Variants in CRPPA observed in about 807,000 individuals in gnomAD.
CRPPA encodes the protein CDP-L-ribitol pyrophosphorylase A, also known as D-ribitol-5-phosphate cytidylyltransferase.
Under a neutral mutation model 52.0 loss-of-function variants are expected in CRPPA, and 43 were observed. The ratio of observed to expected loss-of-function variants is 0.83; its 90% CI spans 0.65 to 1.07. The LOEUF (loss-of-function observed/expected upper bound fraction) is 1.07. Ranked by LOEUF, CRPPA falls within the 50% of genes least tolerant of loss-of-function variation. The probability of loss-of-function intolerance (pLI) is 0.00; values close to 1 mark genes in which losing one functional copy is unlikely to be tolerated. For missense variants in CRPPA, 629 were observed against 551.7 expected (o/e 1.14, Z -1.40); for synonymous variants, 250 against 203.5 (o/e 1.23, Z -1.94).
intron 5 of CRPPA, among the ~76,000 whole-genome samples, chr7:16,298,332 G>A (rs1047755107): frequency 2.0e-5 from 3 of 152,036 alleles, no homozygotes; most frequent in Non-Finnish European, 4.4e-5. Flanking sequence ...TCTATTTAAG[G>A]GAGGGAAAAA....
intron 9 of CRPPA, among the ~76,000 whole-genome samples, chr7:16,109,506 T>C (rs1455439101): frequency 1.3e-5 from 2 of 151,754 alleles, no homozygotes; most frequent in Non-Finnish European, 2.9e-5. Context: ...AAATAAACTG[T>C]ATTACAAAAA....
At chr7:16,347,165 A>T (rs1043629808) in intron 3 of CRPPA, among the ~76,000 whole-genome samples, 1 of 152,124 alleles carries the variant, frequency 6.6e-6, no homozygotes, top group Admixed American at 6.6e-5. Flanking sequence ...CCCATTTATC[A>T]GACAAGGAAA....
intron 9 of CRPPA, among the ~76,000 whole-genome samples, chr7:16,147,231 G>A (rs1396200958): frequency 3.9e-5 from 6 of 152,060 alleles, no homozygotes; most frequent in Non-Finnish European, 7.4e-5. Flanking sequence ...TCAGTCTTGG[G>A]TATATCTTTA....
At chr7:16,395,208 G>GACAAGTGATTA (rs1236840579) in intron 2 of CRPPA, among the ~76,000 whole-genome samples, 2 of 152,078 alleles carry the variant, frequency 1.3e-5, no homozygotes, top group African/African-American at 4.8e-5. Flanking sequence ...TGTCTCTCAA[G>GACAAGTGATTA]CTAATCTATC....
intron 9 of CRPPA, among the ~76,000 whole-genome samples, chr7:16,198,492 T>C (rs1322405242): frequency 3.4e-5 from 4 of 116,526 alleles, no homozygotes; most frequent in African/African-American, 7.1e-5. Flanking sequence ...TCCCCCTCTT[T>C]GAGAAACACC....
At chr7:16,331,561 G>A (rs1785553365) in intron 3 of CRPPA, among the ~76,000 whole-genome samples, 1 of 152,162 alleles carries the variant, frequency 6.6e-6, no homozygotes, top group Non-Finnish European at 1.5e-5. Flanking sequence ...GATATTAATA[G>A]AACATTTAGA....
At chr7:16,246,522 A>T (rs995913189) in intron 8 of CRPPA, among the ~76,000 whole-genome samples, 1 of 152,220 alleles carries the variant, frequency 6.6e-6, no homozygotes, top group Non-Finnish European at 1.5e-5. Context: ...CATCAGAGGA[A>T]TCTATCTAGG....
intron 5 of CRPPA, among the ~76,000 whole-genome samples, chr7:16,299,620 C>A (rs906804270): frequency 6.6e-6 from 1 of 152,172 alleles, no homozygotes; most frequent in African/African-American, 2.4e-5. Context: ...ATTAGATATA[C>A]AAACCCTAAA....
At chr7:16,181,847 C>T (rs1781418325) in intron 9 of CRPPA, among the ~76,000 whole-genome samples, 1 of 151,834 alleles carries the variant, frequency 6.6e-6, no homozygotes, top group Non-Finnish European at 1.5e-5. Context: ...GGACTATATT[C>T]TTCAACAATT....
intron 5 of CRPPA, among the ~76,000 whole-genome samples, chr7:16,284,615 C>T (rs752902089): frequency 1.8e-4 from 28 of 152,094 alleles, no homozygotes; most frequent in Admixed American, 5.2e-4. Flanking sequence ...TTTCACCAAA[C>T]GTGCCATAAT....
Position 16,308,923 on chromosome 7 carries a change from G to A in CRPPA, c.685-296C>T, listed in dbSNP as rs145593151. ...AAAAATGTAATACTTTGTTTCCTTTGCTTATAAGTTACCTTTCCAAACATG... is the reference window on the plus strand; with the variant it reads ...AAAAATGTAATACTTTGTTTCCTTTACTTATAAGTTACCTTTCCAAACATG... On this transcript the variant is annotated intron_variant, in intron 3 of 9. Transcript: ENST00000407010. Among the ~76,000 whole-genome samples the A allele has an allele frequency of 2.6e-3, 398 of 152,186 alleles. 1 individual carries two copies. Among genetic ancestry groups the A allele is most frequent in the Middle Eastern group, 6.8e-3 (2 of 294 alleles).
intron 2 of CRPPA, among the ~76,000 whole-genome samples, chr7:16,383,560 C>G (rs916969876): frequency 2.0e-5 from 3 of 152,198 alleles, no homozygotes; most frequent in Non-Finnish European, 4.4e-5. Flanking sequence ...GCAGAGGTTA[C>G]TGCTGTCTTT....
At chr7:16,236,769 T>G (rs1782962006) in intron 8 of CRPPA, among the ~76,000 whole-genome samples, 1 of 152,050 alleles carries the variant, frequency 6.6e-6, no homozygotes, top group Non-Finnish European at 1.5e-5. Context: ...AAAAAGGATT[T>G]CACTAAAAAA....
At chr7:16,231,134 T>C (rs1407973666) in intron 8 of CRPPA, among the ~76,000 whole-genome samples, 5 of 152,144 alleles carry the variant, frequency 3.3e-5, no homozygotes, top group African/African-American at 1.2e-4. Flanking sequence ...CACTTCCTTC[T>C]TTTTCCCTAA....
intron 2 of CRPPA, among the ~76,000 whole-genome samples, chr7:16,397,673 CGACA>C (rs1562679845): frequency 6.8e-6 from 1 of 146,052 alleles, no homozygotes; most frequent in Non-Finnish European, 1.5e-5. Context: ...AAGACGTCAC[CGACA>C]AACACGTGAC....
chr7:16,209,803 A>G (rs1782081863), intron 9 of CRPPA, among the ~76,000 whole-genome samples: 1 of 152,218 alleles, frequency 6.6e-6, no homozygotes, highest in African/African-American at 2.4e-5. Context: ...TAAGTTTGGT[A>G]TCTAAAAGCA....
At chr7:16,419,983 T>C (rs1238322009) in intron 1 of CRPPA, among the ~76,000 whole-genome samples, 1 of 152,184 alleles carries the variant, frequency 6.6e-6, no homozygotes, top group African/African-American at 2.4e-5. Flanking sequence ...CCTGTCTTGA[T>C]AAATCCGCTC....
chr7:16,244,155 A>AT (rs1468739778), intron 8 of CRPPA, among the ~76,000 whole-genome samples: 10 of 152,100 alleles, frequency 6.6e-5, no homozygotes, highest in African/African-American at 2.4e-4. Context: ...TCTGCTCTTC[A>AT]TGGTGAAAAT....
chr7:16,261,352 C>T (rs548391475), intron 6 of CRPPA, among the ~76,000 whole-genome samples: 33 of 152,176 alleles, frequency 2.2e-4, no homozygotes, highest in African/African-American at 7.2e-4. Flanking sequence ...TCACTGACTT[C>T]CTTCTGTGAG....
Sources: allele counts gnomAD v4.1 joint callset (sites outside exome capture counted in the v4.1 genomes callset), GRCh38; gene constraint gnomAD v4.1.1; transcripts MANE v1.5; gene names NCBI Gene and HGNC (gene_info 2026-07-23, HGNC 2026-07-21).